Variants in GSK3B observed in about 807,000 individuals in gnomAD.
The protein encoded by GSK3B is glycogen synthase kinase 3 beta, also known as glycogen synthase kinase-3 beta.
Under a neutral mutation model 56.4 loss-of-function variants are expected in GSK3B, and 15 were observed. That is an observed-to-expected ratio of 0.27 (90% CI 0.18 to 0.41). GSK3B has a LOEUF of 0.41. GSK3B is among the 10% of genes least tolerant of loss of function. The probability of loss-of-function intolerance (pLI) is 1.00; values close to 1 mark genes in which losing one functional copy is unlikely to be tolerated. For synonymous variants in GSK3B, 181 were observed against 188.9 expected (o/e 0.96, Z 0.34); for missense variants, 300 against 513.4 (o/e 0.58, Z 4.02).
At chr3:120,045,889 T>C (rs915661696) in intron 1 of GSK3B, among the ~76,000 whole-genome samples, 3 of 152,178 alleles carry the variant, frequency 2.0e-5, no homozygotes, top group Admixed American at 2.0e-4. Flanking sequence ...CAATGAGGTA[T>C]TATTCAGGGA....
chr3:119,917,016 T>C (rs1232345450), intron 4 of GSK3B, among the ~76,000 whole-genome samples: 1 of 152,166 alleles, frequency 6.6e-6, no homozygotes. Context: ...AAGGTCAGTG[T>C]TCTGATTCAC....
chr3:120,016,198 G>C (rs2057825381), intron 1 of GSK3B, among the ~76,000 whole-genome samples: 1 of 152,162 alleles, frequency 6.6e-6, no homozygotes, highest in South Asian at 2.1e-4. Context: ...TCACCTGGGA[G>C]TTTACTAAAA....
rs1302705309 is a variant in GSK3B at position 119,922,371 on chromosome 3, G to GTATAGTATTATATAGTTTATA, written c.477+1001_477+1002insTATAAACTATATAATACTATA. Among the ~76,000 whole-genome samples, 9 of 147,402 alleles carry GTATAGTATTATATAGTTTATA rather than the reference G, an allele frequency of 6.1e-5. No individual in the cohort carries two copies. In the East Asian group the frequency reaches 1.4e-3, roughly 22 times the overall value. On this transcript the variant is annotated intron_variant, in intron 4 of 10. Transcript: ENST00000264235. Reference sequence around the variant, plus strand: ...AAATATATGATATACACTACATATAGTATAGTTTATATATAAATATGTAAT... The same window carrying GTATAGTATTATATAGTTTATA: ...AAATATATGATATACACTACATATAGTATAGTATTATATAGTTTATATATAGTTTATATATAAATATGTAAT...
At chr3:120,092,871 A>G (rs2107589968) in intron 1 of GSK3B, among the ~76,000 whole-genome samples, 1 of 152,372 alleles carries the variant, frequency 6.6e-6, no homozygotes, top group Middle Eastern at 3.4e-3. Flanking sequence ...GGAGGGTGGG[A>G]CATTTAACGT....
At chr3:120,029,624 T>C in intron 1 of GSK3B, 1 of 558,552 alleles carries the variant, frequency 1.8e-6, no homozygotes, top group Non-Finnish European at 3.5e-6. Context: ...TTGCCATTAT[T>C]TCCCTTCAGA....
chr3:120,083,667 A>C (rs1481394566), intron 1 of GSK3B, among the ~76,000 whole-genome samples: 2 of 152,210 alleles, frequency 1.3e-5, no homozygotes, highest in Non-Finnish European at 2.9e-5. Flanking sequence ...ATATACCCCA[A>C]AAGATCTGAA....
chr3:119,863,109 T>C (rs1478371853), intron 9 of GSK3B, among the ~76,000 whole-genome samples: 1 of 152,228 alleles, frequency 6.6e-6, no homozygotes, highest in African/African-American at 2.4e-5. Flanking sequence ...AACCTAAAAG[T>C]TAAATTGTAC....
intron 7 of GSK3B, among the ~76,000 whole-genome samples, chr3:119,882,943 T>C (rs1291549330): frequency 6.6e-6 from 1 of 152,162 alleles, no homozygotes; most frequent in African/African-American, 2.4e-5. Context: ...TAAGAGGCTT[T>C]AACTACCAAC....
At position 119,822,147 on chromosome 3, in the gene GSK3B, C is replaced by A; in HGVS notation, c.*4641G>T. On this transcript the variant is annotated 3_prime_UTR_variant, in exon 11 of 11. Transcript: ENST00000264235. ...AAAAAAAATCAGTCACAGAGGCATTCAAGTAGTAATAATGTTATACAGATT... is the reference window on the plus strand; with the variant it reads ...AAAAAAAATCAGTCACAGAGGCATTAAAGTAGTAATAATGTTATACAGATT... The A allele has an allele frequency of 5.2e-6, 1 of 194,038 alleles. No homozygotes were observed. The highest frequency in any genetic ancestry group is 8.2e-5 in the East Asian group (1 of 12,256). 12.0% of individuals were successfully genotyped at this position (194,038 alleles called of 1,614,324 possible).
intron 3 of GSK3B, among the ~76,000 whole-genome samples, chr3:119,939,127 T>C (rs1355532620): frequency 5.9e-5 from 9 of 152,014 alleles, no homozygotes; most frequent in Non-Finnish European, 4.4e-5. Flanking sequence ...GGAGCTACTT[T>C]TGAGCAGAGA....
intron 5 of GSK3B, 76 bp downstream of exon 5, chr3:119,915,968 A>T: frequency 1.0e-6 from 1 of 1,001,392 alleles, no homozygotes; most frequent in South Asian, 1.5e-5. Context: ...GATATTGCAA[A>T]AGGAATATAT....
At position 119,986,061 on chromosome 3, in the gene GSK3B, C is replaced by T. The variant is rs1413896229; in HGVS notation, c.282+15985G>A. ...CTACAACCATCTGATCTTTGACAAA[C>T]CTGAGAAAAACAAGAAATGGGGAAA... On this transcript the variant is annotated intron_variant, in intron 2 of 10. Transcript: ENST00000264235. 2.0e-5 allele frequency among the ~76,000 whole-genome samples: 3 copies of T among 152,086 alleles called. No individual in the cohort carries two copies. In the East Asian group the frequency reaches 5.8e-4, roughly 29 times the overall value.
chr3:119,910,135 A>G (rs1350309995), intron 6 of GSK3B, among the ~76,000 whole-genome samples: 1 of 152,198 alleles, frequency 6.6e-6, no homozygotes, highest in Non-Finnish European at 1.5e-5. Flanking sequence ...AGGATTTTAA[A>G]TAAGAAAGTA....
chr3:119,832,147 T>G (rs971154992), intron 10 of GSK3B, among the ~76,000 whole-genome samples: 2 of 152,228 alleles, frequency 1.3e-5, no homozygotes, highest in African/African-American at 4.8e-5. Context: ...CCTTCTTTCT[T>G]GAATTACTTA....
At chr3:119,832,452 T>C (rs1043257343) in intron 10 of GSK3B, among the ~76,000 whole-genome samples, 3 of 152,226 alleles carry the variant, frequency 2.0e-5, no homozygotes, top group African/African-American at 7.2e-5. Flanking sequence ...TTGTTTTAAA[T>C]AGCTAAATGT....
chr3:120,074,548 C>A, intron 1 of GSK3B, among the ~76,000 whole-genome samples: 1 of 151,774 alleles, frequency 6.6e-6, no homozygotes, highest in Non-Finnish European at 1.5e-5. Context: ...GAACTCCTGA[C>A]CTCATGATCT....
intron 10 of GSK3B, among the ~76,000 whole-genome samples, chr3:119,835,597 T>C (rs1017899075): frequency 2.0e-5 from 3 of 152,208 alleles, no homozygotes; most frequent in African/African-American, 4.8e-5. Context: ...TCTTTGAAAG[T>C]AGAATAGAGG....
At chr3:120,072,572 C>CAG (rs2058335573) in intron 1 of GSK3B, among the ~76,000 whole-genome samples, 1 of 152,134 alleles carries the variant, frequency 6.6e-6, no homozygotes, top group Non-Finnish European at 1.5e-5. Context: ...GAGCAAGACT[C>CAG]AGTCTCAAAA....
chr3:119,897,263 G>A (rs1224278899), intron 7 of GSK3B, among the ~76,000 whole-genome samples: 1 of 152,114 alleles, frequency 6.6e-6, no homozygotes, highest in South Asian at 2.1e-4. Flanking sequence ...CTAAGTATGG[G>A]TAAGTTACTG....
Sources: gnomAD v4.1 joint callset for allele counts (sites outside exome capture counted in the v4.1 genomes callset) on GRCh38, gnomAD v4.1.1 for gene constraint, MANE v1.5 for transcripts, NCBI Gene and HGNC (gene_info 2026-07-23, HGNC 2026-07-21) for gene names.